Variants in ZBTB7C observed in about 807,000 individuals in gnomAD.
The protein encoded by ZBTB7C is zinc finger and BTB domain-containing protein 7C.
A neutral mutation model predicts 25.7 loss-of-function variants in ZBTB7C; 8 were observed. The observed-to-expected ratio is 0.31, with a 90% CI of 0.18 to 0.56. ZBTB7C has a LOEUF of 0.56. Ranked by LOEUF, ZBTB7C falls within the 20% of genes least tolerant of loss-of-function variation. The pLI is 0.91. For missense variants in ZBTB7C, 824 were observed against 855.2 expected (o/e 0.96, Z 0.46); for synonymous variants, 394 against 369.0 (o/e 1.07, Z -0.78).
intron 2 of ZBTB7C, among the ~76,000 whole-genome samples, chr18:48,328,155 C>G (rs576893901): frequency 7.1e-6 from 1 of 140,076 alleles, no homozygotes; most frequent in African/African-American, 2.7e-5. Flanking sequence ...GCACTCCAGC[C>G]TGGGGGACAG....
intron 3 of ZBTB7C, among the ~76,000 whole-genome samples, chr18:48,066,124 C>T (rs1428594095): frequency 6.6e-6 from 1 of 152,256 alleles, no homozygotes. Flanking sequence ...CCTTCGGCTT[C>T]CATGCTGTTC....
rs1255594708 is a variant in ZBTB7C at position 48,040,867 on chromosome 18, G to C, written c.241C>G (p.Gln81Glu). The C allele has an allele frequency of 1.9e-6, 3 of 1,614,152 alleles. No homozygotes were observed. The highest frequency in any genetic ancestry group is 2.5e-6 in the Non-Finnish European group (3 of 1,180,036). The change falls in exon 4 of 5, where the codon CAG becomes GAG. Residue 81 changes from glutamine (Q) to glutamate (E), a missense_variant. By Grantham distance (29) the Gln-to-Glu change is conservative. This residue lies in a region of ZBTB7C where 117 missense variants were observed against 167.7 expected (regional missense o/e 0.70). Coordinates refer to ENST00000590800, the MANE Select transcript of ZBTB7C (RefSeq NM_001318841.2). The part of the protein sequence containing the change: ...QPYVYEIDFV[Q>E]PEALAAILEF... ...AGGATAGCAGCCAGAGCCTCAGGCT[G>C]GACAAAGTCGATCTCATAGACGTAG... is the stretch of plus-strand genomic sequence containing the variant.
intron 1 of ZBTB7C, among the ~76,000 whole-genome samples, chr18:48,341,510 C>T (rs758760560): frequency 1.3e-5 from 2 of 152,232 alleles, no homozygotes; most frequent in Non-Finnish European, 2.9e-5. Context: ...CACCCCATCA[C>T]CCATCAGCGA....
chr18:48,092,535 C>T (rs1206956968), intron 3 of ZBTB7C, among the ~76,000 whole-genome samples: 1 of 152,204 alleles, frequency 6.6e-6, no homozygotes, highest in Non-Finnish European at 1.5e-5. Flanking sequence ...GGAGATAATA[C>T]AATATTGGAA....
intron 3 of ZBTB7C, among the ~76,000 whole-genome samples, chr18:48,092,190 C>T (rs142081757): frequency 1.2e-3 from 184 of 152,342 alleles, no homozygotes; most frequent in African/African-American, 4.4e-3. Context: ...GCCATCTCCA[C>T]TTACTAGGCT....
chr18:48,159,051 C>T (rs769151706), intron 3 of ZBTB7C, among the ~76,000 whole-genome samples: 39 of 152,080 alleles, frequency 2.6e-4, no homozygotes, highest in African/African-American at 8.9e-4. Context: ...TTCTCAGAGG[C>T]GACAGGGGAT....
At chr18:48,157,343 G>C (rs963722064) in intron 3 of ZBTB7C, among the ~76,000 whole-genome samples, 3 of 152,150 alleles carry the variant, frequency 2.0e-5, no homozygotes, top group Admixed American at 6.5e-5. Flanking sequence ...AAATCTCCTT[G>C]GGAACTCACT....
chr18:48,250,618 A>G (rs1017731089), intron 2 of ZBTB7C, among the ~76,000 whole-genome samples: 2 of 152,170 alleles, frequency 1.3e-5, no homozygotes, highest in Non-Finnish European at 2.9e-5. Context: ...ACCTTTTTGC[A>G]TGATGTAATT....
intron 1 of ZBTB7C, among the ~76,000 whole-genome samples, chr18:48,399,328 A>G (rs751739906): frequency 1.6e-4 from 24 of 152,256 alleles, no homozygotes; most frequent in Non-Finnish European, 3.2e-4. Flanking sequence ...TTGAATTTTA[A>G]ACCATGGAGG....
intron 1 of ZBTB7C, among the ~76,000 whole-genome samples, chr18:48,353,315 T>C (rs2046904812): frequency 6.6e-6 from 1 of 152,192 alleles, no homozygotes; most frequent in East Asian, 1.9e-4. Flanking sequence ...CACCAAGATG[T>C]ACCCTCCATT....
chr18:48,187,535 C>T (rs371707840), intron 2 of ZBTB7C, among the ~76,000 whole-genome samples: 5 of 151,992 alleles, frequency 3.3e-5, no homozygotes, highest in Middle Eastern at 3.2e-3. Context: ...AGTAGAAGGC[C>T]GGGCATGGTG....
intron 3 of ZBTB7C, among the ~76,000 whole-genome samples, chr18:48,101,525 G>A (rs1014253799): frequency 6.6e-6 from 1 of 152,136 alleles, no homozygotes; most frequent in African/African-American, 2.4e-5. Context: ...GACTGACCAC[G>A]TTTCCAGTGC....
chr18:48,032,183 G>A (rs1371013501), intron 4 of ZBTB7C, among the ~76,000 whole-genome samples: 2 of 151,754 alleles, frequency 1.3e-5, no homozygotes, highest in South Asian at 2.1e-4. Flanking sequence ...GCATGATCTC[G>A]GCTCACTGTA....
intron 3 of ZBTB7C, among the ~76,000 whole-genome samples, chr18:48,069,294 C>T (rs1284821517): frequency 6.6e-6 from 1 of 152,210 alleles, no homozygotes. Context: ...CTTGTTGTTT[C>T]ATCTCCTAGG....
intron 1 of ZBTB7C, among the ~76,000 whole-genome samples, chr18:48,380,416 A>G (rs2047609235): frequency 6.6e-6 from 1 of 152,230 alleles, no homozygotes; most frequent in African/African-American, 2.4e-5. Context: ...GGAAGAGACT[A>G]AAACAATCCA....
chr18:48,051,521 T>G (rs1267275560), intron 3 of ZBTB7C, among the ~76,000 whole-genome samples: 1 of 152,128 alleles, frequency 6.6e-6, no homozygotes, highest in East Asian at 1.9e-4. Context: ...TTTGACCTCT[T>G]TGGTGGCAGG....
At chr18:48,166,980 C>T (rs1479296349) in intron 3 of ZBTB7C, among the ~76,000 whole-genome samples, 1 of 152,194 alleles carries the variant, frequency 6.6e-6, no homozygotes, top group African/African-American at 2.4e-5. Flanking sequence ...TCAACCTCAG[C>T]TGGAAGCACA....
chr18:48,137,394 C>T, intron 3 of ZBTB7C: 8 of 955,648 alleles, frequency 8.4e-6, no homozygotes, highest in Non-Finnish European at 1.0e-5. Context: ...CCGGGTTCCT[C>T]CGTTTTGTTT....
chr18:48,231,494 G>T (rs2043250890), intron 2 of ZBTB7C, among the ~76,000 whole-genome samples: 1 of 152,156 alleles, frequency 6.6e-6, no homozygotes, highest in Admixed American at 6.5e-5. Flanking sequence ...GCTGAGAGCT[G>T]AGCAGACAAC....
Sources: allele counts gnomAD v4.1 joint callset (sites outside exome capture counted in the v4.1 genomes callset), GRCh38; gene constraint gnomAD v4.1.1; regional missense constraint gnomAD v4.1.1; transcripts MANE v1.5; gene names NCBI Gene and HGNC (gene_info 2026-07-23, HGNC 2026-07-21).